Variants in PPP2R2B observed in about 807,000 individuals in gnomAD.
The protein encoded by PPP2R2B is serine/threonine-protein phosphatase 2A 55 kDa regulatory subunit B beta isoform.
In PPP2R2B, 5 loss-of-function variants were observed where a neutral mutation model predicts 46.0. That is an observed-to-expected ratio of 0.11 (90% confidence interval 0.06 to 0.23). PPP2R2B has a LOEUF of 0.23. Ranked by LOEUF, PPP2R2B falls within the 10% of genes least tolerant of loss-of-function variation. The pLI is 1.00. For missense variants in PPP2R2B, 367 were observed against 575.0 expected (o/e 0.64, Z 3.70); for synonymous variants, 215 against 206.7 (o/e 1.04, Z -0.34).
At chr5:146,655,169 A>G (rs938416972) in intron 5 of PPP2R2B, among the ~76,000 whole-genome samples, 2 of 152,116 alleles carry the variant, frequency 1.3e-5, no homozygotes, top group Admixed American at 6.5e-5. Context: ...TCATTCTCCT[A>G]GGCTGCTTTC....
At chr5:147,001,124 C>T (rs1047904383) in intron 1 of PPP2R2B, among the ~76,000 whole-genome samples, 8 of 152,134 alleles carry the variant, frequency 5.3e-5, no homozygotes, top group African/African-American at 1.9e-4. Context: ...TGTAAATAGA[C>T]CAATAAGCTC....
intron 2 of PPP2R2B, among the ~76,000 whole-genome samples, chr5:146,862,082 T>TA (rs1761040525): frequency 6.6e-6 from 1 of 152,200 alleles, no homozygotes; most frequent in Admixed American, 6.5e-5. Context: ...AATTAGCCAG[T>TA]ACAGTTTCCA....
intron 2 of PPP2R2B, among the ~76,000 whole-genome samples, chr5:146,874,871 T>G (rs1032521403): frequency 2.0e-5 from 3 of 152,146 alleles, no homozygotes; most frequent in African/African-American, 7.2e-5. Context: ...TGTGGGAAAT[T>G]TCAACCCTAC....
Position 146,856,452 on chromosome 5 carries a change from A to G in PPP2R2B, c.70+21550T>C, listed in dbSNP as rs533829908. ...AATTGGAACTATTTAACACTTCTATACTGCTACTTTATCAAGAAGAGTAGG... is the reference window on the plus strand; with the variant it reads ...AATTGGAACTATTTAACACTTCTATGCTGCTACTTTATCAAGAAGAGTAGG... On this transcript the variant is annotated intron_variant, in intron 2 of 9. Transcript: ENST00000394411. The G allele has an allele frequency of 3.6e-6, 5 of 1,407,418 alleles. No individual in the cohort carries two copies. In the African/African-American group the frequency reaches 7.1e-5, roughly 20 times the overall value. 87.2% of individuals were successfully genotyped at this position (1,407,418 alleles called of 1,614,324 possible). A position where few individuals can be genotyped will look rare whatever the true frequency, so the allele number is the denominator to read the frequency against.
intron 9 of PPP2R2B, chr5:146,592,111 T>C (rs1162258297): frequency 4.5e-6 from 2 of 443,502 alleles, no homozygotes; most frequent in Non-Finnish European, 9.0e-6. Flanking sequence ...TTTGTTCTTA[T>C]GTCACAGTTG....
At chr5:146,711,878 T>G (rs1780229913) in intron 2 of PPP2R2B, among the ~76,000 whole-genome samples, 1 of 151,618 alleles carries the variant, frequency 6.6e-6, no homozygotes, top group African/African-American at 2.4e-5. Context: ...GTCAAAGAAT[T>G]TTTTTTTTCC....
intron 1 of PPP2R2B, among the ~76,000 whole-genome samples, chr5:146,916,552 T>G (rs1763391217): frequency 6.6e-6 from 1 of 152,170 alleles, no homozygotes; most frequent in Non-Finnish European, 1.5e-5. Flanking sequence ...AGCTAATACA[T>G]GACAGAGTAT....
intron 6 of PPP2R2B, among the ~76,000 whole-genome samples, chr5:146,640,583 G>A (rs1775141002): frequency 6.6e-6 from 1 of 152,188 alleles, no homozygotes. Flanking sequence ...ATCCCACTGT[G>A]CCTGTGAACA....
intron 5 of PPP2R2B, among the ~76,000 whole-genome samples, chr5:146,669,870 G>A (rs1777234790): frequency 6.6e-6 from 1 of 152,164 alleles, no homozygotes; most frequent in South Asian, 2.1e-4. Flanking sequence ...CAATACCATG[G>A]CATTTTTTTC....
Position 146,628,058 on chromosome 5 carries a change from C to G in PPP2R2B, c.790+10193G>C, listed in dbSNP as rs183085607. On this transcript the variant is annotated intron_variant, in intron 7 of 9. Coordinates refer to ENST00000394411, the MANE Select transcript of PPP2R2B (RefSeq NM_181675.4). ...CTCCTGGGCTCAAGTGATTCTCCTGCCTCAGCCTCCTGAGTAGTGGGGATT... is the reference window on the plus strand; with the variant it reads ...CTCCTGGGCTCAAGTGATTCTCCTGGCTCAGCCTCCTGAGTAGTGGGGATT... Among the ~76,000 whole-genome samples, 654 of 152,162 alleles carry G rather than the reference C, an allele frequency of 4.3e-3. 6 individuals are homozygous for G. Among genetic ancestry groups the G allele is most frequent in the African/African-American group, 0.015 (619 of 41,500 alleles).
intron 1 of PPP2R2B, among the ~76,000 whole-genome samples, chr5:146,981,411 A>G (rs1441776689): frequency 1.3e-5 from 2 of 151,942 alleles, no homozygotes; most frequent in African/African-American, 2.4e-5. Flanking sequence ...TGAATCTATT[A>G]CTTAAAGAAT....
intron 5 of PPP2R2B, among the ~76,000 whole-genome samples, chr5:146,690,848 C>T (rs969881273): frequency 2.0e-5 from 3 of 152,178 alleles, no homozygotes; most frequent in Admixed American, 6.5e-5. Context: ...TTTTAGATAA[C>T]GTGAACAACA....
intron 1 of PPP2R2B, among the ~76,000 whole-genome samples, chr5:146,905,340 A>G (rs1157980436): frequency 6.6e-6 from 1 of 152,230 alleles, no homozygotes; most frequent in Admixed American, 6.5e-5. Context: ...ATTAGGGAGA[A>G]ATAAAAGCAT....
At chr5:146,828,378 A>T (rs980385509) in intron 2 of PPP2R2B, among the ~76,000 whole-genome samples, 1 of 152,140 alleles carries the variant, frequency 6.6e-6, no homozygotes, top group African/African-American at 2.4e-5. Flanking sequence ...AGTGGGTGAG[A>T]TCTACAAACT....
At chr5:146,951,532 G>T (rs971463743) in intron 1 of PPP2R2B, among the ~76,000 whole-genome samples, 8 of 151,648 alleles carry the variant, frequency 5.3e-5, no homozygotes, top group Admixed American at 6.6e-5. Flanking sequence ...CTCCCAATAG[G>T]CCCCAGTGTG....
At chr5:146,758,198 G>A (rs1753953681) in intron 2 of PPP2R2B, among the ~76,000 whole-genome samples, 1 of 152,122 alleles carries the variant, frequency 6.6e-6, no homozygotes. Flanking sequence ...TTGGCTTAGA[G>A]ATTTACAAAT....
At chr5:146,930,299 G>C (rs192213139) in intron 1 of PPP2R2B, among the ~76,000 whole-genome samples, 1 of 152,164 alleles carries the variant, frequency 6.6e-6, no homozygotes, top group Admixed American at 6.6e-5. Context: ...ATGTGTCAAG[G>C]GAGGAATAAG....
chr5:146,788,230 C>A (rs934216305), intron 2 of PPP2R2B, among the ~76,000 whole-genome samples: 3 of 151,842 alleles, frequency 2.0e-5, no homozygotes, highest in African/African-American at 7.3e-5. Flanking sequence ...ATATTAGACT[C>A]CAAAAAATAT....
chr5:146,739,128 C>T (rs1752717385), intron 2 of PPP2R2B, among the ~76,000 whole-genome samples: 1 of 151,934 alleles, frequency 6.6e-6, no homozygotes, highest in Non-Finnish European at 1.5e-5. Flanking sequence ...CAAGTGATCC[C>T]CCATCCCCCG....
Sources: gnomAD v4.1 joint callset for allele counts (sites outside exome capture counted in the v4.1 genomes callset) on GRCh38, gnomAD v4.1.1 for gene constraint, MANE v1.5 for transcripts, NCBI Gene and HGNC (gene_info 2026-07-23, HGNC 2026-07-21) for gene names.